The following ASH1L variants were observed in gnomAD, a reference collection of about 807,000 sequenced individuals.
ASH1L encodes ASH1 like histone lysine methyltransferase, also known as histone-lysine N-methyltransferase ASH1L.
A neutral mutation model predicts 269.0 loss-of-function variants in ASH1L; 23 were observed. That is an observed-to-expected ratio of 0.09 (90% CI 0.06 to 0.12). The LOEUF is 0.12. Among genes scored for constraint, ASH1L ranks in the 10% least tolerant of loss-of-function variants. The pLI, the probability that ASH1L is intolerant of heterozygous loss-of-function variation, is 1.00. For missense variants in ASH1L, 2,912 were observed against 3,567.8 expected (o/e 0.82, Z 4.68); for synonymous variants, 1,187 against 1,253.5 (o/e 0.95, Z 1.12).
At chr1:155,504,784 G>A (rs1667709819) in intron 2 of ASH1L, among the ~76,000 whole-genome samples, 1 of 151,262 alleles carries the variant, frequency 6.6e-6, no homozygotes, top group South Asian at 2.1e-4. Context: ...AACCCAGGAG[G>A]CAGAGGTTGC....
intron 3 of ASH1L, among the ~76,000 whole-genome samples, chr1:155,461,809 T>A (rs1457200040): frequency 6.6e-6 from 1 of 150,730 alleles, no homozygotes; most frequent in East Asian, 1.9e-4. Flanking sequence ...AGGGTTTTTT[T>A]TTTTTTTTTT....
At chr1:155,462,030 C>T (rs1664342008) in intron 3 of ASH1L, among the ~76,000 whole-genome samples, 1 of 152,078 alleles carries the variant, frequency 6.6e-6, no homozygotes, top group South Asian at 2.1e-4. Context: ...AAACTCCTTA[C>T]CTCAAGTGAT....
intron 4 of ASH1L, 39 bp from the exon 5 acceptor site, chr1:155,439,107 C>T: frequency 6.4e-7 from 1 of 1,551,246 alleles, no homozygotes; most frequent in Non-Finnish European, 8.7e-7. Flanking sequence ...CAAAATTGGA[C>T]ACGGCTAGTT....
intron 6 of ASH1L, among the ~76,000 whole-genome samples, chr1:155,411,086 G>GT (rs1558075055): frequency 6.6e-6 from 1 of 152,142 alleles, no homozygotes; most frequent in Non-Finnish European, 1.5e-5. Context: ...ATGGTGTGGT[G>GT]TAACAGTGGG....
intron 7 of ASH1L, among the ~76,000 whole-genome samples, chr1:155,390,886 T>C (rs112194481): frequency 0.01 from 1,543 of 151,408 alleles, 38 homozygotes; most frequent in African/African-American, 0.036. Context: ...CCTGACCTCA[T>C]GATCTGCCCG....
At chr1:155,406,464 G>T (rs920565642) in intron 6 of ASH1L, among the ~76,000 whole-genome samples, 3 of 152,174 alleles carry the variant, frequency 2.0e-5, no homozygotes, top group Admixed American at 6.6e-5. Flanking sequence ...TAGCACTTTG[G>T]GAAGCCAAGA....
intron 2 of ASH1L, among the ~76,000 whole-genome samples, chr1:155,500,806 T>G (rs1252718925): frequency 6.6e-6 from 1 of 152,066 alleles, no homozygotes; most frequent in Non-Finnish European, 1.5e-5. Flanking sequence ...CTGTCTCTAC[T>G]AAAAATACAA....
At chr1:155,443,187 C>T (rs1185799207) in intron 4 of ASH1L, among the ~76,000 whole-genome samples, 1 of 152,192 alleles carries the variant, frequency 6.6e-6, no homozygotes, top group Non-Finnish European at 1.5e-5. Context: ...TCCTCTATCC[C>T]TTCATCAACT....
At chr1:155,556,846 G>GT (rs1558223876) in intron 1 of ASH1L, among the ~76,000 whole-genome samples, 1 of 152,114 alleles carries the variant, frequency 6.6e-6, no homozygotes, top group Non-Finnish European at 1.5e-5. Flanking sequence ...TTCGAGACCA[G>GT]TGGGGGCAAC....
At chr1:155,414,201 A>G (rs183657869) in intron 6 of ASH1L, among the ~76,000 whole-genome samples, 8 of 152,284 alleles carry the variant, frequency 5.3e-5, no homozygotes, top group Admixed American at 5.2e-4. Flanking sequence ...CTAGTAATTC[A>G]TTCCATTTAT....
chr1:155,360,264 T>TA, intron 13 of ASH1L, 37 bp downstream of exon 13: 1 of 1,348,126 alleles, frequency 7.4e-7, no homozygotes, highest in South Asian at 1.2e-5. Flanking sequence ...TTGTAAGGGA[T>TA]AAAGTTCAAT....
chr1:155,343,168 G>T lies in ASH1L; in HGVS notation c.8293+146C>A. Reference sequence around the variant, plus strand: ...TACACTGCCATGCCCAGCTACAGAGGCAGAGTTTTGCCACGTTGGCCAGGC... The same window carrying T: ...TACACTGCCATGCCCAGCTACAGAGTCAGAGTTTTGCCACGTTGGCCAGGC... On this transcript the variant is annotated intron_variant, in intron 24 of 27. Transcript: ENST00000392403. This position sits in a 1 kb window ranked among gnomAD's most constrained non-coding sequence, Gnocchi z 6.1. 4 of 767,454 alleles carry T rather than the reference G, an allele frequency of 5.2e-6. No homozygotes were observed. Among genetic ancestry groups the T allele is most frequent in the Non-Finnish European group, 6.2e-6 (3 of 484,220 alleles). The allele number at this position is 767,454 out of a possible 1,614,324, so 47.5% of individuals were successfully genotyped here.
rs1414711897 is a variant in ASH1L at position 155,438,561 on chromosome 1, T to C, written c.5594A>G (p.Gln1865Arg). Residue 1865 changes from glutamine to arginine, a missense_variant, in exon 5 of 28, where the codon CAA becomes CGA. Gln to Arg is a conservative substitution (Grantham distance 43). Transcript: ENST00000392403. ...GACAAACTGAGCAGCCTGGAATGCT[T>C]GCATTGATACGACAGCCTGAAGGGG... ...KCPLQAVVSM[Q>R]AFQAAQFVNP... The C allele has an allele frequency of 1.9e-6, 3 of 1,613,832 alleles. No individual in the cohort carries two copies. Among genetic ancestry groups the C allele is most frequent in the Non-Finnish European group, 2.5e-6 (3 of 1,179,944 alleles).
chr1:155,527,615 C>A (rs1188248742), intron 1 of ASH1L, among the ~76,000 whole-genome samples: 1 of 149,738 alleles, frequency 6.7e-6, no homozygotes, highest in Non-Finnish European at 1.5e-5. Flanking sequence ...TAGCTCACTG[C>A]AGCCTCAAAA....
chr1:155,559,751 T>A (rs1313588662), intron 1 of ASH1L, among the ~76,000 whole-genome samples: 1 of 152,144 alleles, frequency 6.6e-6, no homozygotes, highest in Non-Finnish European at 1.5e-5. Context: ...TCAACTGAAT[T>A]AGCATCTCTT....
chr1:155,355,029 G>A (rs979702593), intron 15 of ASH1L, among the ~76,000 whole-genome samples: 7 of 152,166 alleles, frequency 4.6e-5, no homozygotes, highest in South Asian at 2.1e-4. Flanking sequence ...ACTATGTTAG[G>A]TGCAGTGCTG....
In ASH1L at chr1:155,521,455, C is replaced by T. The variant is rs759915686; in HGVS notation, c.65G>A (p.Ser22Asn). The change falls in exon 2 of 28, where the codon AGT becomes AAT. Residue 22 changes from serine (S) to asparagine (N), a missense_variant. By Grantham distance (46) the Ser-to-Asn change is conservative (BLOSUM62 1). Transcript: ENST00000392403. Reference sequence around the variant, plus strand: ...TGTGCCAGTACTGATGGCAGAAGGACTCTTTCTTGAAAAACCTTCGGAATC... The same window carrying T: ...TGTGCCAGTACTGATGGCAGAAGGATTCTTTCTTGAAAAACCTTCGGAATC... ...GSDSEGFSRK[S>N]PSAISTGTLV... 1.9e-6 allele frequency: 3 copies of T among 1,613,914 alleles called. No individual in the cohort carries two copies. The South Asian group carries it at 3.3e-5, about 18-fold the overall frequency.
intron 5 of ASH1L, among the ~76,000 whole-genome samples, chr1:155,432,207 T>C (rs1661664149): frequency 1.3e-5 from 2 of 152,218 alleles, no homozygotes; most frequent in African/African-American, 4.8e-5. Context: ...GAAACTATCA[T>C]GCTTTTTCAG....
intron 6 of ASH1L, among the ~76,000 whole-genome samples, chr1:155,408,339 AT>A (rs772931808): frequency 3.9e-5 from 6 of 152,262 alleles, no homozygotes; most frequent in Non-Finnish European, 7.4e-5. Flanking sequence ...GTGTACGCAC[AT>A]TTTTTTCATT....
Sources: gnomAD v4.1 joint callset for allele counts (sites outside exome capture counted in the v4.1 genomes callset) on GRCh38, gnomAD v4.1.1 for gene constraint, Gnocchi (gnomAD v3.1) non-coding constraint, MANE v1.5 for transcripts, NCBI Gene and HGNC (gene_info 2026-07-23, HGNC 2026-07-21) for gene names.